The following ZNF839 variants were observed in gnomAD, a reference collection of about 807,000 sequenced individuals.
ZNF839 encodes the protein renal carcinoma antigen NY-REN-50.
ZNF839 carries 38 observed loss-of-function variants against 56.4 expected under a neutral mutation model. The ratio of observed to expected loss-of-function variants is 0.67; its 90% CI spans 0.52 to 0.88. The LOEUF is 0.88. ZNF839 is among the 40% of genes least tolerant of loss of function. The pLI is 0.00. For missense variants in ZNF839, 1,091 were observed against 1,177.6 expected, an observed-to-expected ratio of 0.93 and a Z score of 1.08; for synonymous variants, 486 against 493.5, an observed-to-expected ratio of 0.98 and a Z score of 0.20.
At chr14:102,339,027 C>T in intron 6 of ZNF839, 67 bp from the exon 7 acceptor site, 3 of 1,613,258 alleles carry the variant, frequency 1.9e-6, no homozygotes, top group Non-Finnish European at 8.5e-7. Flanking sequence ...TCTGTTCACA[C>T]CAGGAAGAGG....
Position 102,320,048 on chromosome 14 carries a change from C to T in ZNF839, c.283C>T (p.Pro95Ser), listed in dbSNP as rs538207444. ...CCCGCGCCTGCCGCGCCTGCTCCCGCCCCAGGTGAGGCGTCGGGAGGGACG... is the reference window on the plus strand; with the variant it reads ...CCCGCGCCTGCCGCGCCTGCTCCCGTCCCAGGTGAGGCGTCGGGAGGGACG... ...EPPRLPRLLPPQQLEAICVKV... is the reference protein window; with the variant it reads ...EPPRLPRLLPSQQLEAICVKV... Residue 95 changes from proline (P) to serine (S), a missense_variant, in exon 1 of 8, where the codon CCC becomes TCC. Pro to Ser is a moderately conservative substitution (Grantham distance 74). Around this residue, in one of 3 missense-constraint regions of ZNF839, gnomAD observed 614 missense variants for 629.2 expected, o/e 0.98. Transcript: ENST00000442396. The T allele has an allele frequency of 1.8e-4, 207 of 1,181,904 alleles. No individual in the cohort carries two copies. Among genetic ancestry groups the T allele is most frequent in the Admixed American group, 1.6e-3 (35 of 22,028 alleles). The allele number at this position is 1,181,904 out of a possible 1,614,324, so 73.2% of individuals were successfully genotyped here.
rs1235482101 is a variant in ZNF839 at position 102,328,392 on chromosome 14, A to ATATATG, written c.1191+1510_1191+1511insGTATAT. On this transcript the variant is annotated intron_variant, in intron 2 of 7. Transcript: ENST00000442396. The stretch of plus-strand genomic sequence containing the variant: ...AAAAAAAAAATATATATATATATAT[A>ATATATG]TATATATATATATATATATGTATAC... Among the ~76,000 whole-genome samples the ATATATG allele has an allele frequency of 3.8e-5, 3 of 79,060 alleles. No individual in the cohort carries two copies. The South Asian group carries it at 1.1e-3, about 29-fold the overall frequency. 51.9% of individuals were successfully genotyped at this position (79,060 alleles called of 152,430 possible).
Position 102,320,004 on chromosome 14 carries a change from G to A in ZNF839, c.239G>A (p.Arg80Gln). 8.5e-7 allele frequency: 1 copy of A among 1,176,644 alleles called. No homozygotes were observed. Among genetic ancestry groups the A allele is most frequent in the African/African-American group, 1.6e-5 (1 of 62,214 alleles). The allele number at this position is 1,176,644 out of a possible 1,614,324, so 72.9% of individuals were successfully genotyped here. A position where few individuals can be genotyped will look rare whatever the true frequency, so the allele number is the denominator to read the frequency against. The change falls in exon 1 of 8, where the codon CGG (arginine) becomes CAG (glutamine). Residue 80 changes from arginine (R) to glutamine (Q), a missense_variant. Arg to Gln is a conservative substitution (Grantham distance 43, BLOSUM62 1). This residue lies in a region of ZNF839 where 614 missense variants were observed against 629.2 expected (regional missense o/e 0.98). Transcript: ENST00000442396. ...RDAAQQAALQ[R>Q]GRGTEPPRLP... ...GCGGCCCAACAGGCCGCCCTGCAGC[G>A]GGGCCGGGGCACCGAGCCCCCGCGC...
intron 2 of ZNF839, among the ~76,000 whole-genome samples, 196 bp downstream of exon 2, chr14:102,327,083 TG>T (rs1161184989): frequency 6.6e-6 from 1 of 151,510 alleles, no homozygotes; most frequent in Non-Finnish European, 1.5e-5. Flanking sequence ...GAAGGCAGAG[TG>T]GGAGCAGGCG....
At position 102,326,255 on chromosome 14, in the gene ZNF839, G is replaced by A; in HGVS notation, c.559G>A (p.Val187Met). 6.2e-7 allele frequency: 1 copy of A among 1,613,834 alleles called. No homozygotes were observed. The highest frequency in any genetic ancestry group is 8.5e-7 in the Non-Finnish European group (1 of 1,179,838). The change falls in exon 2 of 8, where the codon GTG becomes ATG. Residue 187 changes from valine (V) to methionine (M), a missense_variant. Transcript: ENST00000442396. This position sits in a 1 kb window ranked among gnomAD's most constrained non-coding sequence, Gnocchi z 4.3. ...FVQRPLPALQ[V>M]VPAKRVPAPK... is the part of the protein sequence containing the mutation. The stretch of plus-strand genomic sequence containing the variant: ...ACAGAGACCACTGCCAGCCCTCCAG[G>A]TGGTCCCTGCAAAGAGAGTCCCAGC...
chr14:102,336,576 T>G, intron 5 of ZNF839: 2 of 417,600 alleles, frequency 4.8e-6, no homozygotes, highest in South Asian at 3.5e-5. Flanking sequence ...ATTACAGGTG[T>G]GAGCCACCAC....
upstream of ZNF839, chr14:102,319,744 T>TCGAGTCCCCGCCTC (rs1482424217): frequency 1.3e-5 from 16 of 1,227,574 alleles, no homozygotes; most frequent in Non-Finnish European, 1.5e-5. The surrounding 1 kb of genome is among the most constrained non-coding windows in gnomAD (Gnocchi z 4.5). Flanking sequence ...CGACCCGGGT[T>TCGAGTCCCCGCCTC]CGAGTCCCCG....
chr14:102,341,349 G>C lies in ZNF839; in HGVS notation c.1954G>C (p.Val652Leu), dbSNP rs1886493925. The C allele has an allele frequency of 7.9e-6, 12 of 1,523,854 alleles. No individual in the cohort carries two copies. The highest frequency in any genetic ancestry group is 1.1e-5 in the Non-Finnish European group (12 of 1,137,276). The allele number at this position is 1,523,854 out of a possible 1,614,324, so 94.4% of individuals were successfully genotyped here. ...TTTTTCCCCTCCAGTAAATGTGACT[G>C]TCTCTCCCCGTTCTGAAGAAAGCCA... is the stretch of plus-strand genomic sequence containing the variant. ...AGFSPPVNVTVSPRSEESHTT... is the reference protein window; with the variant it reads ...AGFSPPVNVTLSPRSEESHTT... The change falls in exon 8 of 8, where the codon GTC becomes CTC. Residue 652 changes from valine to leucine, a missense_variant. By Grantham distance (32) the Val-to-Leu change is conservative. Coordinates refer to ENST00000442396, the MANE Select transcript of ZNF839 (RefSeq NM_018335.6).
chr14:102,319,864 G>A lies in ZNF839; in HGVS notation c.99G>A (p.Val33=), dbSNP rs1241327702. ...PPGQSGSVAR[V]APLGPEQLRQ... is the part of the protein sequence containing the mutation. Reference sequence around the variant, plus strand: ...GCCAGAGCGGCAGCGTCGCACGTGTGGCCCCGCTGGGCCCCGAGCAGCTGC... The same window carrying A: ...GCCAGAGCGGCAGCGTCGCACGTGTAGCCCCGCTGGGCCCCGAGCAGCTGC... Residue 33 remains valine (V), a synonymous_variant, in exon 1 of 8, where the codon GTG becomes GTA. Coordinates refer to ENST00000442396, the MANE Select transcript of ZNF839 (RefSeq NM_018335.6). This position sits in a 1 kb window ranked among gnomAD's most constrained non-coding sequence, Gnocchi z 4.5. The A allele has an allele frequency of 4.7e-6, 6 of 1,276,288 alleles. No individual in the cohort carries two copies. The highest frequency in any genetic ancestry group is 5.9e-6 in the Non-Finnish European group (6 of 1,012,008). The allele number at this position is 1,276,288 out of a possible 1,614,324, so 79.1% of individuals were successfully genotyped here.
At chr14:102,319,395 A>C (rs2072998909), upstream of ZNF839, 1 of 170,320 alleles carries the variant, frequency 5.9e-6, no homozygotes, top group Non-Finnish European at 1.2e-5. The surrounding 1 kb of genome is among the most constrained non-coding windows in gnomAD (Gnocchi z 4.5). Flanking sequence ...TCCAGACAGC[A>C]TCCTCCGCTG....
chr14:102,341,471 T>C lies in ZNF839; in HGVS notation c.2076T>C (p.Gly692=), dbSNP rs1232038139. Residue 692 remains glycine, a synonymous_variant, in exon 8 of 8, where the codon GGT becomes GGC. Transcript: ENST00000442396. ...ANLEARRGSI[G]AALSSRDVSG... is the part of the protein sequence containing the mutation. ...TAGAAGCCAGGAGGGGGTCTATAGG[T>C]GCTGCTCTCTCATCCCGGGATGTCA... 1 of 1,597,854 alleles carries C rather than the reference T, an allele frequency of 6.3e-7. No individual in the cohort carries two copies. Among genetic ancestry groups the C allele is most frequent in the Non-Finnish European group, 8.5e-7 (1 of 1,170,628 alleles).
Position 102,326,372 on chromosome 14 carries a change from CATCCA to C in ZNF839, c.677_681del (p.His226LeufsTer11), listed in dbSNP as rs758524127. 1 of 1,611,200 alleles carries C rather than the reference CATCCA, an allele frequency of 6.2e-7. No homozygotes were observed. ...AACATCTCTTTCATCCAGTTCAGCA[CATCCA>C]TTTATTTCCAACTTGCATACAAGAC... is the stretch of plus-strand genomic sequence containing the variant. On this transcript the variant is annotated frameshift_variant, in exon 2 of 8. Coordinates refer to ENST00000442396, the MANE Select transcript of ZNF839 (RefSeq NM_018335.6). LOFTEE classifies it high-confidence loss of function. This position sits in a 1 kb window ranked among gnomAD's most constrained non-coding sequence, Gnocchi z 4.3.
At position 102,327,416 on chromosome 14, in the gene ZNF839, C is replaced by T. The variant is rs527715549; in HGVS notation, c.1191+529C>T. Among the ~76,000 whole-genome samples, 484 of 152,260 alleles carry T rather than the reference C, an allele frequency of 3.2e-3. 4 individuals are homozygous for T. Among genetic ancestry groups the T allele is most frequent in the African/African-American group, 0.011 (473 of 41,536 alleles). ...TCAGCCTCCCAAAATGCTGAGAGTA[C>T]AGGTGTGAGCCACCACGCCTGGCCA... On this transcript the variant is annotated intron_variant, in intron 2 of 7. Transcript: ENST00000442396.
In ZNF839 at chr14:102,326,393, C is replaced by A. The variant is rs745901169; in HGVS notation, c.697C>A (p.His233Asn). ...SSAHPFISNLHTRHTEKLKKS... is the reference protein window; with the variant it reads ...SSAHPFISNLNTRHTEKLKKS... ...AGCACATCCATTTATTTCCAACTTG[C>A]ATACAAGACATACTGAGAAACTAAA... Residue 233 changes from histidine (H) to asparagine (N), a missense_variant, in exon 2 of 8, where the codon CAT becomes AAT. Transcript: ENST00000442396. The surrounding 1 kb of genome is among the most constrained non-coding windows in gnomAD (Gnocchi z 4.3). The A allele has an allele frequency of 2.8e-5, 45 of 1,612,460 alleles. 1 individual carries two copies. In the South Asian group the frequency reaches 4.7e-4, roughly 17 times the overall value.
At chr14:102,339,298 A>G in intron 7 of ZNF839, 75 bp downstream of exon 7, 1 of 1,530,066 alleles carries the variant, frequency 6.5e-7, no homozygotes, top group Non-Finnish European at 8.8e-7. Context: ...TGTACCCAGG[A>G]TTGCCATTTT....
chr14:102,328,379 T>A lies in ZNF839; in HGVS notation c.1191+1492T>A, dbSNP rs1306008497. Reference sequence around the variant, plus strand: ...CAAAAAAAAAAAAAAAAAAAAAATATATATATATATATATATATATATATA... The same window carrying A: ...CAAAAAAAAAAAAAAAAAAAAAATAAATATATATATATATATATATATATA... On this transcript the variant is annotated intron_variant, in intron 2 of 7. Transcript: ENST00000442396. 6.8e-3 allele frequency among the ~76,000 whole-genome samples: 285 copies of A among 41,748 alleles called. 1 individual carries two copies. Among genetic ancestry groups the A allele is most frequent in the African/African-American group, 0.019 (145 of 7,488 alleles). 27.4% of individuals were successfully genotyped at this position (41,748 alleles called of 152,430 possible).
intron 2 of ZNF839, among the ~76,000 whole-genome samples, chr14:102,328,920 G>A (rs909141732): frequency 6.6e-6 from 1 of 151,810 alleles, no homozygotes; most frequent in Non-Finnish European, 1.5e-5. Context: ...TATTGTGAAC[G>A]ATGCTGCTAT....
rs1331775014 is a variant in ZNF839 at position 102,331,958 on chromosome 14, A to T, written c.1416+112A>T. ...GTTCACCTGAAATGTCATTGCATTAAGTGTGTGATGATGCCAAGGACAGTA... is the reference window on the plus strand; with the variant it reads ...GTTCACCTGAAATGTCATTGCATTATGTGTGTGATGATGCCAAGGACAGTA... On this transcript the variant is annotated intron_variant, in intron 3 of 7. Coordinates refer to ENST00000442396, the MANE Select transcript of ZNF839 (RefSeq NM_018335.6). The T allele has an allele frequency of 6.9e-6, 6 of 866,970 alleles. No individual in the cohort carries two copies. The East Asian group carries it at 1.6e-4, about 23-fold the overall frequency. The allele number at this position is 866,970 out of a possible 1,614,324, so 53.7% of individuals were successfully genotyped here. A position where few individuals can be genotyped will look rare whatever the true frequency, so the allele number is the denominator to read the frequency against.
chr14:102,333,554 C>T (rs1186019705), intron 3 of ZNF839, among the ~76,000 whole-genome samples: 1 of 152,108 alleles, frequency 6.6e-6, no homozygotes, highest in Non-Finnish European at 1.5e-5. Flanking sequence ...TGAGCCACTG[C>T]GTCTGGCCTT....
Sources: allele counts gnomAD v4.1 joint callset (sites outside exome capture counted in the v4.1 genomes callset), GRCh38; gene constraint gnomAD v4.1.1; regional missense constraint gnomAD v4.1.1; non-coding constraint Gnocchi (gnomAD v3.1); transcripts MANE v1.5; gene names NCBI Gene and HGNC (gene_info 2026-07-23, HGNC 2026-07-21).